The following RNLS variants were observed in gnomAD, a reference collection of about 807,000 sequenced individuals.
RNLS encodes the protein renalase.
Under a neutral mutation model 39.8 loss-of-function variants are expected in RNLS, and 39 were observed. The ratio of observed to expected loss-of-function variants is 0.98; its 90% CI spans 0.76 to 1.28. RNLS has a LOEUF of 1.28. Ranked by LOEUF, RNLS falls within the 50% of genes most tolerant of loss-of-function variation. RNLS has a pLI of 0.00. For missense variants in RNLS, 410 were observed against 413.3 expected, an observed-to-expected ratio of 0.99 and a Z score of 0.07; for synonymous variants, 147 against 150.7, an observed-to-expected ratio of 0.98 and a Z score of 0.18.
rs199901805 is a variant in RNLS, at chr10:88,314,990, AT to A, written c.701-350del. 8.1e-3 allele frequency among the ~76,000 whole-genome samples: 1,234 copies of A among 152,026 alleles called. 7 individuals are homozygous for A. Among genetic ancestry groups the A allele is most frequent in the South Asian group, 0.03 (144 of 4,812 alleles). Reference sequence around the variant, plus strand: ...TTGCTAGCTCTTCAGGGCAGGGTCCATTTTTTTTATACAGAGTCTATATTCT... The same window carrying A: ...TTGCTAGCTCTTCAGGGCAGGGTCCATTTTTTTATACAGAGTCTATATTCT... On this transcript the variant is annotated intron_variant, in intron 5 of 6. Coordinates refer to ENST00000331772, the MANE Select transcript of RNLS (RefSeq NM_001031709.3).
At chr10:88,470,274 G>C (rs1217683947) in intron 4 of RNLS, among the ~76,000 whole-genome samples, 1 of 151,914 alleles carries the variant, frequency 6.6e-6, no homozygotes, top group Non-Finnish European at 1.5e-5. Context: ...TGTCACCCAG[G>C]TAATAAGCAT....
chr10:88,457,672 T>G (rs558423861), intron 4 of RNLS, among the ~76,000 whole-genome samples: 97 of 152,374 alleles, frequency 6.4e-4, no homozygotes, highest in Non-Finnish European at 1.3e-3. Flanking sequence ...ATTTGAGTTT[T>G]AACTCAGACC....
the RNLS span, among the ~76,000 whole-genome samples, chr10:88,247,598 C>T: frequency 6.6e-6 from 1 of 152,122 alleles, no homozygotes; most frequent in African/African-American, 2.4e-5. Flanking sequence ...AAGTGAAGTA[C>T]ATTAAAAAGT....
the RNLS span, among the ~76,000 whole-genome samples, chr10:88,181,051 T>C: frequency 0.021 from 3,217 of 152,320 alleles, 41 homozygotes; most frequent in Middle Eastern, 0.037. Context: ...TTAAATTACA[T>C]GACAACTTCT....
At chr10:88,480,670 C>T (rs1278467313) in intron 4 of RNLS, among the ~76,000 whole-genome samples, 1 of 152,194 alleles carries the variant, frequency 6.6e-6, no homozygotes, top group Non-Finnish European at 1.5e-5. Flanking sequence ...GATCCACCAG[C>T]CTTGGCCTCC....
intron 4 of RNLS, among the ~76,000 whole-genome samples, chr10:88,472,686 T>A (rs760011985): frequency 6.6e-6 from 1 of 152,192 alleles, no homozygotes; most frequent in Admixed American, 6.5e-5. Flanking sequence ...AGAGGCTTAT[T>A]AAGTACCAAA....
chr10:88,433,229 T>TAGC (rs984564299), intron 4 of RNLS, among the ~76,000 whole-genome samples: 1 of 152,074 alleles, frequency 6.6e-6, no homozygotes, highest in Non-Finnish European at 1.5e-5. Flanking sequence ...CAGTGAATGC[T>TAGC]AAGACCCAAA....
Position 88,408,149 on chromosome 10 carries a change from T to C in RNLS, c.527-45424A>G, listed in dbSNP as rs17096266. 6.9e-3 allele frequency among the ~76,000 whole-genome samples: 1,051 copies of C among 152,262 alleles called. 15 individuals are homozygous for C. Among genetic ancestry groups the C allele is most frequent in the African/African-American group, 0.024 (988 of 41,562 alleles). On this transcript the variant is annotated intron_variant, in intron 4 of 6. Coordinates refer to ENST00000331772, the MANE Select transcript of RNLS (RefSeq NM_001031709.3). Reference sequence around the variant, plus strand: ...GGATGTCTGGAAATTGTCCAAAATATAGTTTAAAAACATAATCATGGCGGC... The same window carrying C: ...GGATGTCTGGAAATTGTCCAAAATACAGTTTAAAAACATAATCATGGCGGC...
rs151085211 is a variant in RNLS at position 88,358,607 on chromosome 10, T to C, written c.700+3945A>G. Among the ~76,000 whole-genome samples, 24 of 152,362 alleles carry C rather than the reference T, an allele frequency of 1.6e-4. No homozygotes were observed. The East Asian group carries it at 3.9e-3, about 24-fold the overall frequency. ...TTCAAAGAGCAACTCAAGGAAATAG[T>C]GTTCCACTGAACACATTTTGGGAAA... On this transcript the variant is annotated intron_variant, in intron 5 of 6. Coordinates refer to ENST00000331772, the MANE Select transcript of RNLS (RefSeq NM_001031709.3).
intron 4 of RNLS, among the ~76,000 whole-genome samples, chr10:88,537,061 G>A (rs1847800052): frequency 1.3e-5 from 2 of 152,190 alleles, no homozygotes; most frequent in Non-Finnish European, 1.5e-5. Flanking sequence ...AATAATGGAT[G>A]TTTAACAATG....
intron 4 of RNLS, among the ~76,000 whole-genome samples, chr10:88,442,418 A>G (rs955597850): frequency 1.3e-5 from 2 of 152,210 alleles, no homozygotes; most frequent in Non-Finnish European, 2.9e-5. Flanking sequence ...TTAAAATTAA[A>G]AAATGGATTT....
chr10:88,308,094 G>T (rs961901766), intron 6 of RNLS, among the ~76,000 whole-genome samples: 2 of 152,172 alleles, frequency 1.3e-5, no homozygotes, highest in Non-Finnish European at 2.9e-5. Flanking sequence ...ATTGAAACTG[G>T]ACCCCTTCCT....
chr10:88,191,833 T>C, the RNLS span, among the ~76,000 whole-genome samples: 1 of 152,150 alleles, frequency 6.6e-6, no homozygotes, highest in African/African-American at 2.4e-5. Context: ...TCCAGTTTCC[T>C]CACTTGTGTG....
At chr10:88,360,285 C>T (rs1377415657) in intron 5 of RNLS, among the ~76,000 whole-genome samples, 1 of 152,206 alleles carries the variant, frequency 6.6e-6, no homozygotes, top group Non-Finnish European at 1.5e-5. Context: ...AGGAGTAGAA[C>T]TGGACTTGTA....
chr10:88,513,295 C>CT (rs1334007080), intron 4 of RNLS, among the ~76,000 whole-genome samples: 1 of 152,036 alleles, frequency 6.6e-6, no homozygotes, highest in East Asian at 1.9e-4. Flanking sequence ...CTGTCTCATT[C>CT]TTTTTTAAAA....
At position 88,491,952 on chromosome 10, in the gene RNLS, G is replaced by GT. The variant is rs201580938; in HGVS notation, c.526+80950dup. 3.2e-3 allele frequency among the ~76,000 whole-genome samples: 468 copies of GT among 144,484 alleles called. 1 individual carries two copies. Among genetic ancestry groups the GT allele is most frequent in the African/African-American group, 7.6e-3 (298 of 39,054 alleles). 94.8% of individuals were successfully genotyped at this position (144,484 alleles called of 152,430 possible). Reference sequence around the variant, plus strand: ...TTAAAGGGTATTAGGGAGAAAAAGAGTTTTGTTTTTTTTTTTTTTTTTAGG... The same window carrying GT: ...TTAAAGGGTATTAGGGAGAAAAAGAGTTTTTGTTTTTTTTTTTTTTTTTAGG... On this transcript the variant is annotated intron_variant, in intron 4 of 6. Transcript: ENST00000331772.
chr10:88,362,518 TG>T, intron 5 of RNLS, 33 bp downstream of exon 5: 1 of 1,579,966 alleles, frequency 6.3e-7, no homozygotes, highest in Non-Finnish European at 8.7e-7. Context: ...CCACCATTGT[TG>T]CTGTATTTAA....
chr10:88,500,798 T>C (rs978648601), intron 4 of RNLS, among the ~76,000 whole-genome samples: 1 of 152,126 alleles, frequency 6.6e-6, no homozygotes, highest in Non-Finnish European at 1.5e-5. Flanking sequence ...TCTCCTCTGA[T>C]CTTACCCCTT....
the RNLS span, among the ~76,000 whole-genome samples, chr10:88,225,127 C>T: frequency 6.6e-6 from 1 of 152,188 alleles, no homozygotes; most frequent in African/African-American, 2.4e-5. Flanking sequence ...AAACAATTTT[C>T]AGTTTCTACA....
Sources: gnomAD v4.1 joint callset for allele counts (sites outside exome capture counted in the v4.1 genomes callset) on GRCh38, gnomAD v4.1.1 for gene constraint, MANE v1.5 for transcripts, NCBI Gene and HGNC (gene_info 2026-07-23, HGNC 2026-07-21) for gene names.